GRID2: variants seen among roughly 807,000 people sequenced by gnomAD.
GRID2 encodes glutamate ionotropic receptor delta type subunit 2, also known as glutamate receptor ionotropic, delta-2.
GRID2 carries 33 observed loss-of-function variants against 114.8 expected under a neutral mutation model. The observed-to-expected ratio is 0.29, with a 90% confidence interval of 0.22 to 0.38. The LOEUF (loss-of-function observed/expected upper bound fraction) is 0.38. Among genes scored for constraint, GRID2 ranks in the 10% least tolerant of loss-of-function variants. GRID2 has a pLI of 1.00. For missense variants in GRID2, 1,184 were observed against 1,257.7 expected (o/e 0.94, Z 0.89); for synonymous variants, 505 against 449.9 (o/e 1.12, Z -1.55).
intron 3 of GRID2, among the ~76,000 whole-genome samples, chr4:93,088,562 G>A (rs1453154324): frequency 1.3e-5 from 2 of 152,076 alleles, no homozygotes; most frequent in Admixed American, 1.3e-4. Context: ...AGGCTTTATG[G>A]AATGACTTCA....
At chr4:92,973,914 T>C (rs571349221) in intron 2 of GRID2, among the ~76,000 whole-genome samples, 55 of 152,198 alleles carry the variant, frequency 3.6e-4, no homozygotes, top group African/African-American at 1.2e-3. Context: ...ACCTACAGAA[T>C]GGGAGAAAAT....
chr4:93,163,354 GTGTA>G (rs1579160249), intron 4 of GRID2, among the ~76,000 whole-genome samples: 1 of 28,504 alleles, frequency 3.5e-5, no homozygotes, highest in Non-Finnish European at 5.7e-5. Flanking sequence ...TTTTTTTTTT[GTGTA>G]TATATATATA....
intron 14 of GRID2, among the ~76,000 whole-genome samples, chr4:93,765,941 A>G (rs1203960981): frequency 6.6e-6 from 1 of 152,170 alleles, no homozygotes; most frequent in Non-Finnish European, 1.5e-5. Flanking sequence ...TGTTTATTAA[A>G]TGGATAGATG....
chr4:92,803,685 A>C (rs1251543361), intron 2 of GRID2, among the ~76,000 whole-genome samples: 1 of 151,872 alleles, frequency 6.6e-6, no homozygotes, highest in Non-Finnish European at 1.5e-5. Flanking sequence ...ACATGTGTTT[A>C]TCTTCTTGTT....
rs529630988 is a variant in GRID2 at position 92,689,147 on chromosome 4, C to T, written c.244+98861C>T. On this transcript the variant is annotated intron_variant, in intron 2 of 15. Coordinates refer to ENST00000282020, the MANE Select transcript of GRID2 (RefSeq NM_001510.4). ...TTGGTGAAAATAGATGTGCTGTCAT[C>T]CAGGCTTTGTTCCATTTATAGGCAA... 8.5e-5 allele frequency among the ~76,000 whole-genome samples: 13 copies of T among 152,234 alleles called. No homozygotes were observed. The South Asian group carries it at 2.1e-3, about 24-fold the overall frequency.
chr4:92,717,226 G>A (rs1215470313), intron 2 of GRID2, among the ~76,000 whole-genome samples: 1 of 152,120 alleles, frequency 6.6e-6, no homozygotes, highest in Admixed American at 6.6e-5. Flanking sequence ...TTTCTGACCT[G>A]AGACTATCAT....
chr4:93,225,829 G>GT (rs1262877237), intron 7 of GRID2, among the ~76,000 whole-genome samples: 1 of 152,084 alleles, frequency 6.6e-6, no homozygotes, highest in Non-Finnish European at 1.5e-5. Context: ...AAAAATGGAA[G>GT]TTTTTTGGCT....
chr4:92,579,912 T>C (rs1331353019), intron 1 of GRID2, among the ~76,000 whole-genome samples: 1 of 148,170 alleles, frequency 6.7e-6, no homozygotes, highest in Non-Finnish European at 1.5e-5. Flanking sequence ...ACTGAGTCTA[T>C]TATACTATAT....
intron 14 of GRID2, among the ~76,000 whole-genome samples, chr4:93,687,918 A>G (rs531930835): frequency 6.6e-6 from 1 of 152,112 alleles, no homozygotes; most frequent in African/African-American, 2.4e-5. Context: ...AGACGGATAT[A>G]GGAGAAAAAT....
chr4:93,374,998 C>T (rs1264834051), intron 8 of GRID2, among the ~76,000 whole-genome samples: 1 of 152,036 alleles, frequency 6.6e-6, no homozygotes, highest in Non-Finnish European at 1.5e-5. Flanking sequence ...ATACATTAAT[C>T]AATGCTTTGG....
At chr4:93,565,561 C>T (rs1560759465) in intron 13 of GRID2, among the ~76,000 whole-genome samples, 1 of 152,018 alleles carries the variant, frequency 6.6e-6, no homozygotes, top group Non-Finnish European at 1.5e-5. Flanking sequence ...AAAGAAAATA[C>T]ATTCTAAATG....
chr4:92,573,027 C>T (rs935300368), intron 1 of GRID2, among the ~76,000 whole-genome samples: 1 of 150,988 alleles, frequency 6.6e-6, no homozygotes, highest in African/African-American at 2.4e-5. Flanking sequence ...TCAAGCATTC[C>T]GTTTCTTCCT....
chr4:93,428,649 C>T (rs550617398), intron 10 of GRID2, among the ~76,000 whole-genome samples: 7 of 151,914 alleles, frequency 4.6e-5, no homozygotes, highest in South Asian at 2.1e-4. Flanking sequence ...GAGGGTGGGG[C>T]GGAATATAAA....
At chr4:93,627,980 C>G (rs1020764014) in intron 14 of GRID2, among the ~76,000 whole-genome samples, 1 of 152,078 alleles carries the variant, frequency 6.6e-6, no homozygotes, top group Non-Finnish European at 1.5e-5. Flanking sequence ...TTGAGACCAG[C>G]CTGGCCAACA....
At chr4:93,525,870 G>A (rs914704041) in intron 13 of GRID2, among the ~76,000 whole-genome samples, 1 of 152,064 alleles carries the variant, frequency 6.6e-6, no homozygotes, top group African/African-American at 2.4e-5. Context: ...AAAAAGAATA[G>A]ATTGATGCAT....
At chr4:93,207,921 T>C (rs1433968952) in intron 5 of GRID2, among the ~76,000 whole-genome samples, 2 of 152,008 alleles carry the variant, frequency 1.3e-5, no homozygotes, top group East Asian at 3.8e-4. Context: ...GAAGTACAAC[T>C]GTTTTCAAAT....
intron 2 of GRID2, among the ~76,000 whole-genome samples, chr4:92,782,325 C>T (rs922157773): frequency 6.6e-6 from 1 of 151,946 alleles, no homozygotes; most frequent in Non-Finnish European, 1.5e-5. Context: ...ATTATCTTAG[C>T]GTTTTCAGAC....
chr4:93,244,701 A>T (rs987887550), intron 8 of GRID2, among the ~76,000 whole-genome samples: 8 of 149,620 alleles, frequency 5.3e-5, no homozygotes, highest in African/African-American at 2.0e-4. Flanking sequence ...AAAATACACC[A>T]ATTTTTAATG....
At chr4:93,645,006 C>T (rs1721981275) in intron 14 of GRID2, among the ~76,000 whole-genome samples, 1 of 152,086 alleles carries the variant, frequency 6.6e-6, no homozygotes, top group Non-Finnish European at 1.5e-5. Flanking sequence ...GAGACGTATT[C>T]CAAAGTGCCT....
Sources: allele counts gnomAD v4.1 joint callset (sites outside exome capture counted in the v4.1 genomes callset), GRCh38; gene constraint gnomAD v4.1.1; transcripts MANE v1.5; gene names NCBI Gene and HGNC (gene_info 2026-07-23, HGNC 2026-07-21).